The following SLC41A3 variants were observed in gnomAD, a reference collection of about 807,000 sequenced individuals.
SLC41A3 encodes solute carrier family 41 member 3.
SLC41A3 carries 44 observed loss-of-function variants against 45.4 expected under a neutral mutation model. That is an observed-to-expected ratio of 0.97 (90% confidence interval 0.76 to 1.25). The LOEUF (loss-of-function observed/expected upper bound fraction) is 1.25, where lower values mean the gene tolerates loss of function less well. SLC41A3 is among the 50% of genes most tolerant of loss of function. The pLI is 0.00. For missense variants in SLC41A3, 550 were observed against 600.6 expected (o/e 0.92, Z 0.88); for synonymous variants, 256 against 252.4 (o/e 1.01, Z -0.13).
At chr3:126,081,895 C>A (rs891912173) in intron 1 of SLC41A3, among the ~76,000 whole-genome samples, 2 of 152,250 alleles carry the variant, frequency 1.3e-5, no homozygotes, top group African/African-American at 4.8e-5. Context: ...ACCAGAGCGG[C>A]AGGTGCTGGC....
intron 5 of SLC41A3, 97 bp from the exon 6 acceptor site, chr3:126,023,029 G>C: frequency 1.3e-6 from 2 of 1,493,836 alleles, no homozygotes; most frequent in Non-Finnish European, 1.8e-6. Context: ...GCACTGAGTA[G>C]GGACTGGCAG....
At chr3:126,018,749 C>G (rs1308432108) in intron 6 of SLC41A3, among the ~76,000 whole-genome samples, 3 of 152,228 alleles carry the variant, frequency 2.0e-5, no homozygotes, top group Non-Finnish European at 4.4e-5. Context: ...GGCCGACCAG[C>G]CTCAGGCCCC....
intron 1 of SLC41A3, among the ~76,000 whole-genome samples, chr3:126,079,279 GACACACACAC>G (rs63354060): frequency 2.0e-4 from 29 of 146,020 alleles, no homozygotes; most frequent in Non-Finnish European, 3.4e-4. Context: ...AAGGGTAAGG[GACACACACAC>G]ACACACACAC....
At chr3:126,010,892 C>T (rs1258582973) in intron 9 of SLC41A3, among the ~76,000 whole-genome samples, 1 of 152,232 alleles carries the variant, frequency 6.6e-6, no homozygotes, top group African/African-American at 2.4e-5. Flanking sequence ...AGTCTTCCAT[C>T]CCCACCTGGG....
chr3:126,024,878 A>C (rs990290151), intron 5 of SLC41A3: 11 of 152,218 alleles, frequency 7.2e-5, no homozygotes, highest in African/African-American at 2.4e-4. Flanking sequence ...CAATAACCAA[A>C]AGGCTCTGTT....
At chr3:126,015,283 C>T (rs183467330) in intron 8 of SLC41A3, among the ~76,000 whole-genome samples, 88 of 152,276 alleles carry the variant, frequency 5.8e-4, no homozygotes, top group African/African-American at 2.1e-3. Context: ...TGAGCTGCTG[C>T]GAACAGTGTG....
At chr3:126,008,574 G>C (rs1939373410) in intron 10 of SLC41A3, among the ~76,000 whole-genome samples, 158 bp downstream of exon 10, 1 of 152,034 alleles carries the variant, frequency 6.6e-6, no homozygotes, top group South Asian at 2.1e-4. Context: ...AATGGCCTCT[G>C]TATTTGACAA....
chr3:126,100,559 C>T (rs368206245), intron 1 of SLC41A3, among the ~76,000 whole-genome samples: 2 of 152,292 alleles, frequency 1.3e-5, no homozygotes, highest in East Asian at 3.9e-4. Context: ...TCATAAGAAA[C>T]AGCTGTGTGC....
intron 1 of SLC41A3, among the ~76,000 whole-genome samples, chr3:126,096,697 T>C (rs1157121579): frequency 1.3e-5 from 2 of 152,272 alleles, no homozygotes. Flanking sequence ...TTAGTTAATC[T>C]AATATCTATA....
At chr3:126,062,378 T>A (rs143538079) in intron 2 of SLC41A3, among the ~76,000 whole-genome samples, 2 of 152,306 alleles carry the variant, frequency 1.3e-5, no homozygotes, top group East Asian at 3.9e-4. Context: ...GGCCTTCACC[T>A]CTAAAGGGAC....
intron 10 of SLC41A3, among the ~76,000 whole-genome samples, chr3:126,008,012 A>G (rs781558897): frequency 1.3e-5 from 2 of 152,202 alleles, no homozygotes; most frequent in Non-Finnish European, 2.9e-5. Context: ...ATGTCTACGC[A>G]TGCCTTGCAG....
At chr3:126,041,919 CA>C (rs1341945452) in intron 3 of SLC41A3, among the ~76,000 whole-genome samples, 1 of 152,162 alleles carries the variant, frequency 6.6e-6, no homozygotes, top group Non-Finnish European at 1.5e-5. Flanking sequence ...ACCCTCAAAC[CA>C]GTAGGGAATT....
intron 3 of SLC41A3, among the ~76,000 whole-genome samples, chr3:126,038,144 C>T (rs995617783): frequency 6.6e-5 from 10 of 152,252 alleles, no homozygotes; most frequent in Non-Finnish European, 1.0e-4. Context: ...ATGTGAAAGC[C>T]TGGGTGCCCA....
chr3:126,020,007 C>G (rs1482341157), intron 6 of SLC41A3, among the ~76,000 whole-genome samples: 1 of 152,128 alleles, frequency 6.6e-6, no homozygotes, highest in African/African-American at 2.4e-5. Flanking sequence ...TTCGTCTGGG[C>G]CCCCAGGCTT....
intron 2 of SLC41A3, chr3:126,058,072 C>G (rs1306237528): frequency 6.6e-6 from 1 of 152,306 alleles, no homozygotes; most frequent in East Asian, 1.9e-4. Flanking sequence ...ACATAGAGGC[C>G]GTATGCCAGG....
upstream of SLC41A3, among the ~76,000 whole-genome samples, chr3:126,086,399 T>TTTCTTG (rs1455865386): frequency 3.5e-4 from 47 of 133,572 alleles, 6 homozygotes; most frequent in African/African-American, 1.4e-3. Context: ...TCTTTTTCTT[T>TTTCTTG]GTTTTCTTGT....
chr3:126,031,451 G>A (rs910381442), intron 4 of SLC41A3, among the ~76,000 whole-genome samples: 49 of 152,188 alleles, frequency 3.2e-4, no homozygotes, highest in African/African-American at 1.1e-3. Flanking sequence ...TCAGGGAAGT[G>A]GGCAGGGCTG....
intron 2 of SLC41A3, among the ~76,000 whole-genome samples, chr3:126,059,302 G>GAA (rs745757552): frequency 8.2e-6 from 1 of 121,276 alleles, no homozygotes; most frequent in East Asian, 2.5e-4. Flanking sequence ...AAGAAAGAAA[G>GAA]AAAGAAAGGA....
intron 1 of SLC41A3, among the ~76,000 whole-genome samples, chr3:126,077,241 G>A (rs1394184946): frequency 6.6e-6 from 1 of 152,062 alleles, no homozygotes; most frequent in Non-Finnish European, 1.5e-5. Flanking sequence ...TTAGCCAGGT[G>A]TGGTGATGCA....
Sources: allele counts gnomAD v4.1 joint callset (sites outside exome capture counted in the v4.1 genomes callset), GRCh38; gene constraint gnomAD v4.1.1; transcripts MANE v1.5; gene names NCBI Gene and HGNC (gene_info 2026-07-23, HGNC 2026-07-21).